STK38: variants seen among roughly 807,000 people sequenced by gnomAD.
STK38 encodes serine/threonine kinase 38, also known as serine/threonine-protein kinase 38.
In STK38, 26 loss-of-function variants were observed where a neutral mutation model predicts 59.0. The observed-to-expected ratio is 0.44, with a 90% confidence interval of 0.32 to 0.61. The LOEUF (loss-of-function observed/expected upper bound fraction) is 0.61, where lower values mean the gene tolerates loss of function less well. STK38 is among the 20% of genes least tolerant of loss of function. STK38 has a pLI of 0.04. For synonymous variants in STK38, 175 were observed against 176.6 expected, an observed-to-expected ratio of 0.99 and a Z score of 0.07; for missense variants, 433 against 566.0, an observed-to-expected ratio of 0.76 and a Z score of 2.38.
At position 36,538,319 on chromosome 6, in the gene STK38, GA is replaced by G. The variant is rs779135298; in HGVS notation, c.131+1752del. On this transcript the variant is annotated intron_variant, in intron 2 of 13. Coordinates refer to ENST00000229812, the MANE Select transcript of STK38 (RefSeq NM_007271.4). The stretch of plus-strand genomic sequence containing the variant: ...ACTCCGTCTCAAAAAAAGAAAAAAA[GA>G]AAAAAAAAAAATCACAACAGTGGTT... Among the ~76,000 whole-genome samples the G allele has an allele frequency of 1.4e-3, 197 of 138,906 alleles. 2 individuals are homozygous for G. The highest frequency in any genetic ancestry group is 7.1e-3 in the Middle Eastern group (2 of 280). 91.1% of individuals were successfully genotyped at this position (138,906 alleles called of 152,430 possible). A position where few individuals can be genotyped will look rare whatever the true frequency, so the allele number is the denominator to read the frequency against.
chr6:36,505,228 C>T (rs1776937006), intron 9 of STK38, among the ~76,000 whole-genome samples: 2 of 152,190 alleles, frequency 1.3e-5, no homozygotes, highest in Admixed American at 1.3e-4. Context: ...AAAACTACTC[C>T]TCTGTGGAGA....
At chr6:36,502,612 T>C (rs1776866269) in intron 9 of STK38, among the ~76,000 whole-genome samples, 1 of 152,208 alleles carries the variant, frequency 6.6e-6, no homozygotes, top group Non-Finnish European at 1.5e-5. Context: ...CATACATACA[T>C]CTGTTAATTA....
intron 8 of STK38, among the ~76,000 whole-genome samples, chr6:36,506,899 T>C (rs755515069): frequency 6.6e-5 from 10 of 152,280 alleles, no homozygotes; most frequent in Middle Eastern, 3.4e-3. Flanking sequence ...GAGGATACAG[T>C]ACAGGACTTA....
intron 2 of STK38, among the ~76,000 whole-genome samples, chr6:36,531,116 G>A (rs910068552): frequency 6.6e-6 from 1 of 152,120 alleles, no homozygotes; most frequent in African/African-American, 2.4e-5. Context: ...TCATTCTTGA[G>A]GCTTAAATAA....
intron 7 of STK38, among the ~76,000 whole-genome samples, chr6:36,511,202 A>G (rs2127473191): frequency 6.6e-6 from 1 of 152,330 alleles, no homozygotes; most frequent in East Asian, 1.9e-4. Context: ...ATACAAGGCT[A>G]CAGGAGCCCT....
intron 1 of STK38, among the ~76,000 whole-genome samples, chr6:36,544,005 T>C (rs1048606819): frequency 6.6e-6 from 1 of 152,220 alleles, no homozygotes; most frequent in Non-Finnish European, 1.5e-5. Flanking sequence ...TTAGTAGCTT[T>C]TTAAATTGTT....
At chr6:36,546,136 A>G (rs2127495406) in intron 1 of STK38, among the ~76,000 whole-genome samples, 1 of 152,324 alleles carries the variant, frequency 6.6e-6, no homozygotes, top group African/African-American at 2.4e-5. Flanking sequence ...CTCTACCTAC[A>G]CTAGAAAGCA....
At position 36,497,781 on chromosome 6, in the gene STK38, T is replaced by C. The variant is rs1457093316; in HGVS notation, c.1171A>G (p.Arg391Gly). Residue 391 changes from arginine to glycine, a missense_variant and splice_region_variant, in exon 12 of 14, where the codon AGA becomes GGA. By Grantham distance (125) the Arg-to-Gly change is moderately radical. Transcript: ENST00000229812. ...CTGAAAGTGTTTATATGGATATACC[T>C]GATATGTTCCCAGTCAACGCCTTCA... ...FFEGVDWEHI[R>G]ERPAAISIEI... 1.9e-6 allele frequency: 3 copies of C among 1,607,448 alleles called. No individual in the cohort carries two copies. Among genetic ancestry groups the C allele is most frequent in the South Asian group, 2.2e-5 (2 of 90,532 alleles).
At chr6:36,538,762 C>T (rs1010685645) in intron 2 of STK38, among the ~76,000 whole-genome samples, 7 of 151,442 alleles carry the variant, frequency 4.6e-5, no homozygotes, top group African/African-American at 1.7e-4. Flanking sequence ...CGTGGTGGCG[C>T]ATGCCTGTAA....
intron 9 of STK38, among the ~76,000 whole-genome samples, chr6:36,500,412 C>T (rs1215568648): frequency 6.6e-6 from 1 of 151,880 alleles, no homozygotes; most frequent in African/African-American, 2.4e-5. Flanking sequence ...ATTTGATGCT[C>T]AAAATGGCTT....
rs1331889325 is a variant in STK38 at position 36,495,047 on chromosome 6, C to G, written c.*737G>C. On this transcript the variant is annotated 3_prime_UTR_variant, in exon 14 of 14. Coordinates refer to ENST00000229812, the MANE Select transcript of STK38 (RefSeq NM_007271.4). ...ATAATCCGGGATTTCTTGGCAATGC[C>G]CAAAGACTTTCTGGGCCTTCTAAGA... The G allele has an allele frequency of 6.6e-6, 1 of 152,498 alleles. No individual in the cohort carries two copies. Among genetic ancestry groups the G allele is most frequent in the African/African-American group, 2.4e-5 (1 of 41,412 alleles). 9.4% of individuals were successfully genotyped at this position (152,498 alleles called of 1,614,324 possible).
At chr6:36,499,741 T>C in intron 10 of STK38, 132 bp downstream of exon 10, 1 of 778,484 alleles carries the variant, frequency 1.3e-6, no homozygotes, top group Middle Eastern at 2.3e-4. Flanking sequence ...GTGTCATCTG[T>C]CTAAAACAAT....
At chr6:36,508,490 T>C (rs1172155336) in intron 7 of STK38, among the ~76,000 whole-genome samples, 2 of 152,216 alleles carry the variant, frequency 1.3e-5, no homozygotes, top group Non-Finnish European at 2.9e-5. Context: ...TTCCTCCTCT[T>C]ATAACATTGG....
chr6:36,519,070 C>G (rs999169785), intron 5 of STK38, among the ~76,000 whole-genome samples: 6 of 152,180 alleles, frequency 3.9e-5, no homozygotes, highest in African/African-American at 1.4e-4. Flanking sequence ...CTTCAGGCTT[C>G]TATGCTAACT....
intron 7 of STK38, among the ~76,000 whole-genome samples, chr6:36,512,131 C>T (rs1421241800): frequency 1.3e-5 from 2 of 152,138 alleles, no homozygotes; most frequent in African/African-American, 4.8e-5. Context: ...GGAGCAAATG[C>T]TATTCAAGCC....
chr6:36,522,855 CAAAAAAAAAAAA>C (rs1200049731), intron 4 of STK38, among the ~76,000 whole-genome samples: 1 of 66,568 alleles, frequency 1.5e-5, no homozygotes, highest in Admixed American at 1.7e-4. Context: ...GACTCTGTCT[CAAAAAAAAAAAA>C]AAAAAAAAAA....
rs1275680607 is a variant in STK38, at chr6:36,506,619, C to T, written c.798G>A (p.Arg266=). The T allele has an allele frequency of 1.9e-6, 3 of 1,613,408 alleles. No individual in the cohort carries two copies. In the Admixed American group the frequency reaches 5.0e-5, roughly 27 times the overall value. The part of the protein sequence containing the change: ...DFTFQNMNSK[R]KAETWKRNRR... ...TATTTCTTTTCCAGGTTTCTGCTTT[C>T]CTTTTGGAATTCATGTTCTGGAAAG... The change falls in exon 9 of 14, where the codon AGG becomes AGA. Residue 266 remains arginine (R), a synonymous_variant. Coordinates refer to ENST00000229812, the MANE Select transcript of STK38 (RefSeq NM_007271.4).
At chr6:36,545,403 A>C (rs1778034604) in intron 1 of STK38, among the ~76,000 whole-genome samples, 1 of 152,074 alleles carries the variant, frequency 6.6e-6, no homozygotes, top group South Asian at 2.1e-4. Context: ...CTAAACTTTT[A>C]AAAAGATCAA....
chr6:36,494,722 C>T lies in STK38; in HGVS notation c.*1062G>A, dbSNP rs1007592835. 3.3e-5 allele frequency: 5 copies of T among 152,638 alleles called. No individual in the cohort carries two copies. The highest frequency in any genetic ancestry group is 7.3e-5 in the Non-Finnish European group (5 of 68,080). The allele number at this position is 152,638 out of a possible 1,614,324, so 9.5% of individuals were successfully genotyped here. A position where few individuals can be genotyped will look rare whatever the true frequency, so the allele number is the denominator to read the frequency against. ...AGAAATACCAAGAGAGAAGACAAAA[C>T]ATGGCTGTGCCAAGGACTGAGGAGT... On this transcript the variant is annotated 3_prime_UTR_variant, in exon 14 of 14. Transcript: ENST00000229812.
Sources: gnomAD v4.1 joint callset for allele counts (sites outside exome capture counted in the v4.1 genomes callset) on GRCh38, gnomAD v4.1.1 for gene constraint, MANE v1.5 for transcripts, NCBI Gene and HGNC (gene_info 2026-07-23, HGNC 2026-07-21) for gene names.